HNRNPK: variants seen among roughly 807,000 people sequenced by gnomAD.
The protein encoded by HNRNPK is heterogeneous nuclear ribonucleoprotein K.
Under a neutral mutation model 67.0 loss-of-function variants are expected in HNRNPK, and 7 were observed. The ratio of observed to expected loss-of-function variants is 0.10; its 90% CI spans 0.06 to 0.20. The LOEUF (loss-of-function observed/expected upper bound fraction) is 0.20. Ranked by LOEUF, HNRNPK falls within the 10% of genes least tolerant of loss-of-function variation. HNRNPK has a pLI of 1.00. For missense variants in HNRNPK, 264 were observed against 606.5 expected (o/e 0.44, Z 5.93); for synonymous variants, 213 against 193.7 (o/e 1.10, Z -0.83).
At chr9:83,969,750 G>T in intron 16 of HNRNPK, 1 of 659,604 alleles carries the variant, frequency 1.5e-6, no homozygotes, top group Non-Finnish European at 2.9e-6. Flanking sequence ...CATTTGTCCT[G>T]TAGAGGCATG....
intron 1 of HNRNPK, among the ~76,000 whole-genome samples, chr9:83,979,858 C>T (rs989272586): frequency 2.0e-5 from 3 of 152,202 alleles, no homozygotes; most frequent in African/African-American, 7.2e-5. Flanking sequence ...GCGGCGCGAC[C>T]TTCTCCCCGC....
rs1458788950 is a variant in HNRNPK, at chr9:83,970,871, T to G, written c.1108+26A>C. 2.5e-6 allele frequency: 4 copies of G among 1,611,226 alleles called. No homozygotes were observed. The African/African-American group carries it at 5.3e-5, about 22-fold the overall frequency. ...CATTTAAAAAGTATGAAATTAATGTTTGACTTCACAAAGGAGAGAACTTAC... is the reference window on the plus strand; with the variant it reads ...CATTTAAAAAGTATGAAATTAATGTGTGACTTCACAAAGGAGAGAACTTAC... On this transcript the variant is annotated intron_variant, in intron 14 of 16. Transcript: ENST00000376263.
At chr9:83,975,248 CTCCT>C (rs1460982694) in intron 6 of HNRNPK, among the ~76,000 whole-genome samples, 2 of 152,186 alleles carry the variant, frequency 1.3e-5, no homozygotes, top group South Asian at 2.1e-4. Context: ...TGAAGCTGTG[CTCCT>C]TCCATCGAAA....
In HNRNPK at chr9:83,971,890, AGGT is replaced by A. The variant is rs765696098; in HGVS notation, c.942_944del (p.Pro315del). The A allele has an allele frequency of 3.2e-6, 5 of 1,557,480 alleles. No individual in the cohort carries two copies. The highest frequency in any genetic ancestry group is 2.4e-5 in the South Asian group (2 of 82,320). ...CAAAAAAAACAACTTACCCCCCTCT[AGGT>A]GGTGGTGGTGGAGGAAGAGGAAGAT... is the stretch of plus-strand genomic sequence containing the variant. On this transcript the variant is annotated inframe_deletion, in exon 11 of 17. Coordinates refer to ENST00000376263, the MANE Select transcript of HNRNPK (RefSeq NM_031263.4).
At position 83,973,268 on chromosome 9, in the gene HNRNPK, G is replaced by A; in HGVS notation, c.516+18C>T. The A allele has an allele frequency of 4.5e-6, 6 of 1,332,804 alleles. No homozygotes were observed. Among genetic ancestry groups the A allele is most frequent in the Non-Finnish European group, 6.5e-6 (6 of 929,578 alleles). The allele number at this position is 1,332,804 out of a possible 1,614,324, so 82.6% of individuals were successfully genotyped here. On this transcript the variant is annotated intron_variant, in intron 9 of 16. Transcript: ENST00000376263. ...TTACTTTCCAGCAAAGAATACGGCAGAATTTTTTTTTTTTTACCTCTCGAA... is the reference window on the plus strand; with the variant it reads ...TTACTTTCCAGCAAAGAATACGGCAAAATTTTTTTTTTTTTACCTCTCGAA...
Position 83,972,980 on chromosome 9 carries a change from A to T in HNRNPK, c.517-8T>A, listed in dbSNP as rs1177288262. 1 of 1,561,042 alleles carries T rather than the reference A, an allele frequency of 6.4e-7. No homozygotes were observed. The highest frequency in any genetic ancestry group is 8.7e-7 in the Non-Finnish European group (1 of 1,152,820). On this transcript the variant is annotated splice_region_variant and splice_polypyrimidine_tract_variant and intron_variant, in intron 9 of 16. Transcript: ENST00000376263. ...GATGGTGGTTTGAGTGTTCTGTAGT[A>T]AGATCATAAAAAAAAATAATAATAA...
intron 3 of HNRNPK, 50 bp from the exon 4 acceptor site, chr9:83,977,836 T>C (rs762968693): frequency 2.6e-6 from 3 of 1,139,460 alleles, no homozygotes; most frequent in Non-Finnish European, 4.0e-6. Flanking sequence ...GTCTCCAAAG[T>C]AACTCCATTC....
intron 10 of HNRNPK, 97 bp from the exon 11 acceptor site, chr9:83,972,286 T>C: frequency 2.2e-6 from 2 of 903,392 alleles, no homozygotes; most frequent in South Asian, 1.8e-5. Flanking sequence ...ATGTAAGTCA[T>C]TCCCCCATCA....
At chr9:83,976,657 T>C (rs937922944) in intron 5 of HNRNPK, 13 of 189,984 alleles carry the variant, frequency 6.8e-5, no homozygotes, top group African/African-American at 2.3e-4. Flanking sequence ...TCAGTAATAC[T>C]GTAATTGATT....
In HNRNPK at chr9:83,975,523, G is replaced by A; in HGVS notation, c.214-18C>T. The A allele has an allele frequency of 6.2e-7, 1 of 1,602,758 alleles. No individual in the cohort carries two copies. Among genetic ancestry groups the A allele is most frequent in the Non-Finnish European group, 8.5e-7 (1 of 1,169,668 alleles). The stretch of plus-strand genomic sequence containing the variant: ...GCATTGTACTGCATTGGTCATTGGC[G>A]TTCGTGGATGTTGGCATTGGGCATG... On this transcript the variant is annotated intron_variant, in intron 5 of 16. Transcript: ENST00000376263.
At position 83,970,931 on chromosome 9, in the gene HNRNPK, A is replaced by G. The variant is rs747482479; in HGVS notation, c.1093-19T>C. 6.2e-7 allele frequency: 1 copy of G among 1,610,892 alleles called. No individual in the cohort carries two copies. Among genetic ancestry groups the G allele is most frequent in the Admixed American group, 1.7e-5 (1 of 59,954 alleles). ...AGCCACCCTAAAAACAGAAAGAAAA[A>G]AATAGAAAATTACTTTGCCGTTGTA... On this transcript the variant is annotated intron_variant, in intron 13 of 16. Transcript: ENST00000376263.
intron 13 of HNRNPK, 95 bp downstream of exon 13, chr9:83,971,178 A>T (rs1956819267): frequency 3.3e-6 from 3 of 917,398 alleles, no homozygotes; most frequent in Non-Finnish European, 3.6e-6. Context: ...TCCTATTTTC[A>T]GTAAGTATCC....
Position 83,978,830 on chromosome 9 carries a change from C to G in HNRNPK, c.-107-378G>C, listed in dbSNP as rs1432901641. 2.6e-5 allele frequency among the ~76,000 whole-genome samples: 4 copies of G among 152,316 alleles called. No individual in the cohort carries two copies. In the East Asian group the frequency reaches 7.7e-4, roughly 29 times the overall value. On this transcript the variant is annotated intron_variant, in intron 1 of 16. Transcript: ENST00000376263. Reference sequence around the variant, plus strand: ...AATTTTATATTAAAACTTCCAATTGCTTTCCTATTTCTTTCGACTCATGCT... The same window carrying G: ...AATTTTATATTAAAACTTCCAATTGGTTTCCTATTTCTTTCGACTCATGCT...
chr9:83,977,144 C>A (rs1010504767), intron 4 of HNRNPK, 93 bp from the exon 5 acceptor site: 22 of 873,944 alleles, frequency 2.5e-5, no homozygotes, highest in Non-Finnish European at 3.9e-5. Flanking sequence ...ATCCTCTAAC[C>A]TGTTTGTTAT....
At chr9:83,979,961 T>G (rs1208092197) in intron 1 of HNRNPK, among the ~76,000 whole-genome samples, 192 bp downstream of exon 1, 1 of 152,024 alleles carries the variant, frequency 6.6e-6, no homozygotes, top group Non-Finnish European at 1.5e-5. Flanking sequence ...TCCCCAAGTC[T>G]CTAGGACCAC....
At position 83,968,088 on chromosome 9, in the gene HNRNPK, A is replaced by G. The variant is rs1956660114; in HGVS notation, c.*1319T>C. On this transcript the variant is annotated 3_prime_UTR_variant, in exon 17 of 17. Coordinates refer to ENST00000376263, the MANE Select transcript of HNRNPK (RefSeq NM_031263.4). ...AAACACTTCACACAAAAAAATACAT[A>G]AGATTACTATATTTCCTTTTAAGAG... The G allele has an allele frequency of 6.6e-6, 1 of 152,424 alleles. No individual in the cohort carries two copies. The highest frequency in any genetic ancestry group is 2.4e-5 in the African/African-American group (1 of 41,450). 9.4% of individuals were successfully genotyped at this position (152,424 alleles called of 1,614,324 possible).
chr9:83,977,870 T>G (rs1346593270), intron 3 of HNRNPK, 84 bp from the exon 4 acceptor site: 5 of 857,552 alleles, frequency 5.8e-6, no homozygotes, highest in Non-Finnish European at 9.5e-6. Context: ...TTGTTGCTAA[T>G]CTTAGGCATG....
In HNRNPK at chr9:83,978,218, T is replaced by G. The variant is rs1400558720; in HGVS notation, c.35A>C (p.Asn12Thr). The G allele has an allele frequency of 3.1e-6, 5 of 1,609,672 alleles. No homozygotes were observed. Among genetic ancestry groups the G allele is most frequent in the Non-Finnish European group, 4.2e-6 (5 of 1,176,614 alleles). Residue 12 changes from asparagine (N) to threonine (T), a missense_variant, in exon 3 of 17, where the codon AAC becomes ACC. Asn to Thr is a moderately conservative substitution (Grantham distance 65). Around this residue, in one of 6 missense-constraint regions of HNRNPK, gnomAD observed 32 missense variants for 45.6 expected, o/e 0.70. Transcript: ENST00000376263. ...ETEQPEETFP[N>T]TETNGEFGKR... ...ACCAAATTCACCATTGGTTTCAGTG[T>G]TAGGGAAGGTTTCTTCTGGCTGTTC...
chr9:83,975,738 A>G, intron 5 of HNRNPK: 1 of 587,326 alleles, frequency 1.7e-6, no homozygotes, highest in Non-Finnish European at 3.1e-6. Context: ...AGGAGAGGGA[A>G]AAGGGGGAAA....
Sources: gnomAD v4.1 joint callset for allele counts (sites outside exome capture counted in the v4.1 genomes callset) on GRCh38, gnomAD v4.1.1 for gene constraint, gnomAD v4.1.1 regional missense constraint, MANE v1.5 for transcripts, NCBI Gene and HGNC (gene_info 2026-07-23, HGNC 2026-07-21) for gene names.